Variants in LMNB2 observed in about 807,000 individuals in gnomAD.
LMNB2 encodes lamin B2.
A neutral mutation model predicts 69.3 loss-of-function variants in LMNB2; 17 were observed. The ratio of observed to expected loss-of-function variants is 0.25; its 90% CI spans 0.17 to 0.37. The LOEUF is 0.37. Ranked by LOEUF, LMNB2 falls within the 10% of genes least tolerant of loss-of-function variation. The pLI, the probability that LMNB2 is intolerant of heterozygous loss-of-function variation, is 1.00. For synonymous variants in LMNB2, 397 were observed against 389.3 expected (o/e 1.02, Z -0.23); for missense variants, 789 against 883.6 (o/e 0.89, Z 1.36).
chr19:2,451,142 G>A (rs1323118526), intron 1 of LMNB2, among the ~76,000 whole-genome samples: 1 of 152,164 alleles, frequency 6.6e-6, no homozygotes, highest in Non-Finnish European at 1.5e-5. Flanking sequence ...TGGGGAGGCT[G>A]AGGCACAAGA....
Position 2,447,549 on chromosome 19 carries a change from A to T in LMNB2, c.265-3009T>A, listed in dbSNP as rs1971970250. On this transcript the variant is annotated intron_variant, in intron 1 of 11. Coordinates refer to ENST00000325327, the MANE Select transcript of LMNB2 (RefSeq NM_032737.4). This position sits in a 1 kb window ranked among gnomAD's most constrained non-coding sequence, Gnocchi z 4.4. ...CGAAACCTACGGGTGAGCTGGGTGAACCTTATGAGGCGGGAATTAACTGCT... is the reference window on the plus strand; with the variant it reads ...CGAAACCTACGGGTGAGCTGGGTGATCCTTATGAGGCGGGAATTAACTGCT... Among the ~76,000 whole-genome samples the T allele has an allele frequency of 6.6e-6, 1 of 151,980 alleles. No individual in the cohort carries two copies. The highest frequency in any genetic ancestry group is 2.1e-4 in the South Asian group (1 of 4,810).
intron 1 of LMNB2, among the ~76,000 whole-genome samples, chr19:2,446,246 C>G (rs948747917): frequency 3.3e-5 from 5 of 151,086 alleles, no homozygotes; most frequent in Admixed American, 6.6e-5. Flanking sequence ...CGACGGAGAC[C>G]CAGCCCAGCC....
intron 9 of LMNB2, 83 bp downstream of exon 9, chr19:2,432,333 C>CCCCCAAACCCTTG: frequency 1.1e-6 from 1 of 906,308 alleles, no homozygotes; most frequent in Non-Finnish European, 1.8e-6. Flanking sequence ...CACCCACCCC[C>CCCCCAAACCCTTG]GCCAAGTCCT....
Position 2,430,741 on chromosome 19 carries a change from G to A in LMNB2, c.*170C>T. On this transcript the variant is annotated 3_prime_UTR_variant, in exon 12 of 12. Transcript: ENST00000325327. ...AGCGGCGAAGTGGCAGCGAAGTGAG[G>A]CTGGAGGAGACCCGCCAGGAGGGAG... 6 of 704,360 alleles carry A rather than the reference G, an allele frequency of 8.5e-6. No homozygotes were observed. The highest frequency in any genetic ancestry group is 1.6e-5 in the Non-Finnish European group (6 of 379,026). 43.6% of individuals were successfully genotyped at this position (704,360 alleles called of 1,614,324 possible).
chr19:2,432,306 G>C (rs1971749996), intron 9 of LMNB2, 110 bp downstream of exon 9: 4 of 885,530 alleles, frequency 4.5e-6, no homozygotes, highest in Non-Finnish European at 1.8e-6. Flanking sequence ...GACGGTGCCT[G>C]GTGCCACCAT....
chr19:2,455,270 C>T (rs1972074692), intron 1 of LMNB2, among the ~76,000 whole-genome samples: 1 of 151,982 alleles, frequency 6.6e-6, no homozygotes, highest in African/African-American at 2.4e-5. Context: ...CAGGGAGACC[C>T]CCCACACACC....
chr19:2,434,214 C>T (rs1044469959), intron 7 of LMNB2, 81 bp downstream of exon 7: 4 of 1,547,016 alleles, frequency 2.6e-6, no homozygotes, highest in South Asian at 1.2e-5. Context: ...GCCCAGCACT[C>T]CCCGCAGCCC....
chr19:2,432,876 G>A (rs1479982866), intron 8 of LMNB2, among the ~76,000 whole-genome samples: 30 of 44,896 alleles, frequency 6.7e-4, no homozygotes, highest in South Asian at 3.8e-3. Context: ...CGGTCTTTCC[G>A]GTCACCTTGT....
chr19:2,434,687 C>A, intron 6 of LMNB2, 101 bp downstream of exon 6: 1 of 1,517,616 alleles, frequency 6.6e-7, no homozygotes, highest in South Asian at 1.2e-5. Context: ...CCGAGGGCTG[C>A]ATCCGATGCC....
chr19:2,448,245 C>G (rs964329680), intron 1 of LMNB2, among the ~76,000 whole-genome samples: 1 of 152,326 alleles, frequency 6.6e-6, no homozygotes, highest in Middle Eastern at 3.4e-3. Flanking sequence ...CAGGTGCAGG[C>G]ATGGTGGTGT....
At chr19:2,432,331 C>CCCCCCCAAG in intron 9 of LMNB2, 85 bp downstream of exon 9, 3 of 868,288 alleles carry the variant, frequency 3.5e-6, no homozygotes, top group South Asian at 2.7e-5. Context: ...CCCACCCACC[C>CCCCCCCAAG]CCGCCAAGTC....
intron 4 of LMNB2, among the ~76,000 whole-genome samples, chr19:2,437,629 C>T (rs552722248): frequency 3.7e-4 from 56 of 152,164 alleles, no homozygotes; most frequent in African/African-American, 1.2e-3. Context: ...GGTGAAACCT[C>T]GTCTCTACTA....
intron 6 of LMNB2, 108 bp from the exon 7 acceptor site, chr19:2,434,623 C>A: frequency 6.6e-7 from 1 of 1,505,566 alleles, no homozygotes; most frequent in Non-Finnish European, 9.0e-7. Flanking sequence ...GGGCAGAGAC[C>A]AGGCCTGGGC....
At chr19:2,449,379 C>A (rs1971994413) in intron 1 of LMNB2, among the ~76,000 whole-genome samples, 1 of 152,228 alleles carries the variant, frequency 6.6e-6, no homozygotes, top group South Asian at 2.1e-4. Context: ...AGGGGCACGT[C>A]TCCTAACGAC....
chr19:2,440,536 C>T (rs1336302101), intron 2 of LMNB2, among the ~76,000 whole-genome samples: 1 of 152,128 alleles, frequency 6.6e-6, no homozygotes, highest in Non-Finnish European at 1.5e-5. Context: ...TACTGTCTAT[C>T]CATCTACCCA....
chr19:2,441,252 C>T (rs1971897429), intron 2 of LMNB2, among the ~76,000 whole-genome samples: 2 of 152,270 alleles, frequency 1.3e-5, no homozygotes, highest in African/African-American at 4.8e-5. Flanking sequence ...GGGTCTGGCT[C>T]CGGTTGTGTC....
chr19:2,448,116 C>T (rs934088355), intron 1 of LMNB2, among the ~76,000 whole-genome samples: 1 of 152,224 alleles, frequency 6.6e-6, no homozygotes, highest in Non-Finnish European at 1.5e-5. Context: ...CCAAGCCCTC[C>T]CTCCCATGCA....
In LMNB2 at chr19:2,432,860, A is replaced by G. The variant is rs1340471955; in HGVS notation, c.1483-337T>C. Among the ~76,000 whole-genome samples, 11 of 40,462 alleles carry G rather than the reference A, an allele frequency of 2.7e-4. 1 individual carries two copies. Among genetic ancestry groups the G allele is most frequent in the Admixed American group, 2.0e-3 (7 of 3,502 alleles). 26.5% of individuals were successfully genotyped at this position (40,462 alleles called of 152,430 possible). ...TCAGCTGGGTCACCCCGTTACCCCCATGCCCCGGTCTTTCCGGTCACCTTG... is the reference window on the plus strand; with the variant it reads ...TCAGCTGGGTCACCCCGTTACCCCCGTGCCCCGGTCTTTCCGGTCACCTTG... On this transcript the variant is annotated intron_variant, in intron 8 of 11. Transcript: ENST00000325327.
intron 1 of LMNB2, among the ~76,000 whole-genome samples, chr19:2,452,461 C>T (rs1393670714): frequency 6.8e-6 from 1 of 146,590 alleles, no homozygotes. Flanking sequence ...GGCATACTGG[C>T]TCACACCTGC....
Sources: gnomAD v4.1 joint callset for allele counts (sites outside exome capture counted in the v4.1 genomes callset) on GRCh38, gnomAD v4.1.1 for gene constraint, Gnocchi (gnomAD v3.1) non-coding constraint, MANE v1.5 for transcripts, NCBI Gene and HGNC (gene_info 2026-07-23, HGNC 2026-07-21) for gene names.